LZTFL1: variants seen among roughly 807,000 people sequenced by gnomAD.
LZTFL1 encodes the protein leucine zipper transcription factor-like protein 1.
LZTFL1 carries 25 observed loss-of-function variants against 45.9 expected under a neutral mutation model. The observed-to-expected ratio is 0.54, with a 90% CI of 0.40 to 0.76. The LOEUF is 0.76. Among genes scored for constraint, LZTFL1 ranks in the 30% least tolerant of loss-of-function variants. The pLI is 0.00. For synonymous variants in LZTFL1, 93 were observed against 117.4 expected (o/e 0.79, Z 1.35); for missense variants, 277 against 331.1 (o/e 0.84, Z 1.27).
Position 45,830,914 on chromosome 3 carries a change from T to C in LZTFL1, c.599A>G (p.Lys200Arg). The change falls in exon 7 of 10, where the codon AAG becomes AGG. Residue 200 changes from lysine to arginine, a missense_variant and splice_region_variant. Coordinates refer to ENST00000296135, the MANE Select transcript of LZTFL1 (RefSeq NM_020347.4). ...AAAGGTAGCTAAAACTTGTTTCACCTTTTGATTTCCTTGATCAAGCTGTAA... is the reference window on the plus strand; with the variant it reads ...AAAGGTAGCTAAAACTTGTTTCACCCTTTGATTTCCTTGATCAAGCTGTAA... ...QDLQLDQGNQ[K>R]DFIKAQDLSN... The C allele has an allele frequency of 6.2e-7, 1 of 1,613,172 alleles. No individual in the cohort carries two copies. Among genetic ancestry groups the C allele is most frequent in the Non-Finnish European group, 8.5e-7 (1 of 1,179,294 alleles).
intron 3 of LZTFL1, chr3:45,835,233 T>C (rs1392605575): frequency 5.7e-6 from 1 of 175,732 alleles, no homozygotes; most frequent in Non-Finnish European, 1.2e-5. Flanking sequence ...TATATTTGAA[T>C]TGACTTTTCA....
chr3:45,835,870 T>C, intron 2 of LZTFL1, 86 bp from the exon 3 acceptor site: 2 of 879,352 alleles, frequency 2.3e-6, no homozygotes, highest in Non-Finnish European at 1.7e-6. Context: ...CCCACATTCA[T>C]GTAATCTAAG....
intron 2 of LZTFL1, chr3:45,902,029 T>A: frequency 1.3e-6 from 1 of 773,138 alleles, no homozygotes; most frequent in Non-Finnish European, 2.0e-6. Flanking sequence ...AACTATATGA[T>A]TACTTGTAGT....
At chr3:45,897,738 C>T (rs1409896277) in intron 2 of LZTFL1, 4 of 680,950 alleles carry the variant, frequency 5.9e-6, no homozygotes, top group Non-Finnish European at 7.2e-6. Flanking sequence ...GCCAAGCATG[C>T]CCTCTTTCCT....
chr3:45,862,592 A>G (rs1701508676), intron 2 of LZTFL1, among the ~76,000 whole-genome samples: 1 of 152,242 alleles, frequency 6.6e-6, no homozygotes, highest in South Asian at 2.1e-4. Flanking sequence ...GGACCGTCTG[A>G]CATGGGCTCT....
intron 2 of LZTFL1, among the ~76,000 whole-genome samples, chr3:45,861,407 A>C (rs528302438): frequency 3.9e-5 from 6 of 152,290 alleles, no homozygotes; most frequent in African/African-American, 7.2e-5. Context: ...CTCAGTCAGA[A>C]GCCAGCCAAA....
chr3:45,913,107 G>A (rs1389558645), intron 2 of LZTFL1: 4 of 1,535,672 alleles, frequency 2.6e-6, no homozygotes, highest in African/African-American at 1.4e-5. Flanking sequence ...TTCTGTAAAT[G>A]GTTCAGACTT....
chr3:45,833,813 A>T (rs1229846387), intron 4 of LZTFL1, among the ~76,000 whole-genome samples: 2 of 152,190 alleles, frequency 1.3e-5, no homozygotes, highest in African/African-American at 2.4e-5. Flanking sequence ...TTAGAAAGAG[A>T]GGTAGATAAC....
intron 2 of LZTFL1, among the ~76,000 whole-genome samples, chr3:45,860,144 G>A (rs1701461705): frequency 1.3e-5 from 2 of 152,120 alleles, no homozygotes; most frequent in African/African-American, 4.8e-5. Context: ...CCCAGAAGGT[G>A]GAGGTTGCAG....
At chr3:45,868,068 T>C (rs1701607076) in intron 2 of LZTFL1, among the ~76,000 whole-genome samples, 1 of 148,310 alleles carries the variant, frequency 6.7e-6, no homozygotes, top group South Asian at 2.1e-4. Context: ...TGAATCCTTC[T>C]CATCACCAGA....
intron 4 of LZTFL1, chr3:45,854,937 C>A: frequency 7.4e-7 from 1 of 1,346,006 alleles, no homozygotes; most frequent in Non-Finnish European, 1.0e-6. Context: ...ACAGGAACAA[C>A]CACCACCAAA....
chr3:45,837,941 G>C lies in LZTFL1; in HGVS notation c.114C>G (p.Asp38Glu). 1.2e-6 allele frequency: 2 copies of C among 1,612,456 alleles called. No homozygotes were observed. The highest frequency in any genetic ancestry group is 1.7e-6 in the Non-Finnish European group (2 of 1,179,456). ...RLKTVDSCFQ[D>E]LKESRLVEDT... The stretch of plus-strand genomic sequence containing the variant: ...TCCTCTGATACCTGCTCTCCTTGAG[G>C]TCTTGGAAGCAGGAATCTACAGTTT... Residue 38 changes from aspartate to glutamate, a missense_variant, in exon 2 of 10, where the codon GAC becomes GAG. By Grantham distance (45) the Asp-to-Glu change is conservative. Transcript: ENST00000296135.
chr3:45,865,496 C>T (rs984082355), intron 2 of LZTFL1, among the ~76,000 whole-genome samples: 4 of 152,228 alleles, frequency 2.6e-5, no homozygotes, highest in Admixed American at 1.3e-4. Context: ...CAGACTCTTG[C>T]AAAGAAAAGA....
At chr3:45,858,944 C>A (rs150317560) in exon 3 of LZTFL1, 4 of 152,148 alleles carry the variant, frequency 2.6e-5, no homozygotes, top group Non-Finnish European at 4.4e-5. Context: ...ACTCACCTTG[C>A]GATTAATCCA....
At chr3:45,885,109 C>T (rs147216700) in intron 2 of LZTFL1, among the ~76,000 whole-genome samples, 18 of 152,322 alleles carry the variant, frequency 1.2e-4, no homozygotes, top group Non-Finnish European at 1.9e-4. Context: ...AACCCAAGTG[C>T]ACCTTCTGCA....
chr3:45,874,045 G>A (rs1439809594), intron 2 of LZTFL1, among the ~76,000 whole-genome samples: 1 of 152,054 alleles, frequency 6.6e-6, no homozygotes, highest in African/African-American at 2.4e-5. Flanking sequence ...AATTCTACAA[G>A]TACTTATTAA....
chr3:45,888,370 C>T (rs1702047897), intron 2 of LZTFL1, among the ~76,000 whole-genome samples: 2 of 152,198 alleles, frequency 1.3e-5, no homozygotes, highest in African/African-American at 4.8e-5. Context: ...AAGACATGAC[C>T]TCCTTCTTCC....
intron 4 of LZTFL1, among the ~76,000 whole-genome samples, chr3:45,851,225 A>ATTTTT (rs59845792): frequency 7.4e-6 from 1 of 135,046 alleles, no homozygotes; most frequent in Non-Finnish European, 1.6e-5. Context: ...TTTAGCTGTG[A>ATTTTT]TTTTTTTTTT....
intron 1 of LZTFL1, among the ~76,000 whole-genome samples, chr3:45,914,763 G>A (rs929387950): frequency 1.3e-5 from 2 of 152,194 alleles, no homozygotes; most frequent in Non-Finnish European, 2.9e-5. Flanking sequence ...AACCAAAGAA[G>A]ATGGGGGCCT....
Sources: allele counts gnomAD v4.1 joint callset (sites outside exome capture counted in the v4.1 genomes callset), GRCh38; gene constraint gnomAD v4.1.1; transcripts MANE v1.5; gene names NCBI Gene and HGNC (gene_info 2026-07-23, HGNC 2026-07-21).